The following SPON1 variants were observed in gnomAD, a reference collection of about 807,000 sequenced individuals.
SPON1 encodes spondin 1, also known as spondin-1.
A neutral mutation model predicts 111.7 loss-of-function variants in SPON1; 52 were observed. That is an observed-to-expected ratio of 0.47 (90% CI 0.37 to 0.59). The LOEUF is 0.59. Among genes scored for constraint, SPON1 ranks in the 20% least tolerant of loss-of-function variants. The pLI, the probability that SPON1 is intolerant of heterozygous loss-of-function variation, is 0.00. For missense variants in SPON1, 957 were observed against 1,068.5 expected (o/e 0.90, Z 1.46); for synonymous variants, 410 against 395.8 (o/e 1.04, Z -0.43).
chr11:14,222,357 T>A (rs1328105433), intron 6 of SPON1, among the ~76,000 whole-genome samples: 2 of 152,214 alleles, frequency 1.3e-5, no homozygotes, highest in Admixed American at 6.5e-5. Context: ...CTTTAACATC[T>A]TCTTGAGCTG....
intron 3 of SPON1, among the ~76,000 whole-genome samples, chr11:14,042,123 C>A (rs1056601744): frequency 3.3e-5 from 5 of 152,100 alleles, no homozygotes; most frequent in South Asian, 2.1e-4. Context: ...CCTCTGGTGC[C>A]ACTTCCTATC....
chr11:14,264,360 G>T (rs1849236722), intron 15 of SPON1, among the ~76,000 whole-genome samples: 2 of 152,214 alleles, frequency 1.3e-5, no homozygotes, highest in Admixed American at 1.3e-4. Context: ...TAACCCAAGA[G>T]AAAGATTATA....
chr11:14,227,123 G>C (rs1053917019), intron 6 of SPON1, among the ~76,000 whole-genome samples: 1 of 152,042 alleles, frequency 6.6e-6, no homozygotes, highest in Admixed American at 6.6e-5. Context: ...ATATTTTGGG[G>C]GGCCGTTACT....
At chr11:14,038,427 C>T (rs965874656) in intron 2 of SPON1, among the ~76,000 whole-genome samples, 3 of 152,024 alleles carry the variant, frequency 2.0e-5, no homozygotes, top group Admixed American at 2.0e-4. Flanking sequence ...TGAGATGGCA[C>T]CACTGCACTC....
intron 6 of SPON1, among the ~76,000 whole-genome samples, chr11:14,138,662 G>T (rs1847619382): frequency 6.6e-6 from 1 of 152,104 alleles, no homozygotes; most frequent in Non-Finnish European, 1.5e-5. Context: ...CACACTTGTA[G>T]GTTGGTGTGG....
chr11:14,240,631 G>A lies in SPON1; in HGVS notation c.826-2701G>A, dbSNP rs868987320. ...TGTGTGTGTGTGTGTGTGTGTGTGT[G>A]TGTGTAGTTATATATTACAAAAGCA... is the stretch of plus-strand genomic sequence containing the variant. On this transcript the variant is annotated intron_variant, in intron 6 of 15. Transcript: ENST00000576479. 7.2e-3 allele frequency among the ~76,000 whole-genome samples: 1,022 copies of A among 141,538 alleles called. 11 individuals are homozygous for A. The highest frequency in any genetic ancestry group is 0.023 in the African/African-American group (915 of 39,930). The allele number at this position is 141,538 out of a possible 152,430, so 92.9% of individuals were successfully genotyped here. A position where few individuals can be genotyped will look rare whatever the true frequency, so the allele number is the denominator to read the frequency against.
Position 14,265,605 on chromosome 11 carries a change from T to TA in SPON1, c.2345dup (p.Lys783GlufsTer54). ...GGAATTCAGGAACGTTACATGACTG[T>TA]AAAGAAGAGATTCAAAAGCTCCCAG... is the stretch of plus-strand genomic sequence containing the variant. On this transcript the variant is annotated frameshift_variant, in exon 16 of 16. Coordinates refer to ENST00000576479, the MANE Select transcript of SPON1 (RefSeq NM_006108.4). LOFTEE classifies it high-confidence loss of function. The TA allele has an allele frequency of 6.2e-7, 1 of 1,613,668 alleles. No individual in the cohort carries two copies. The highest frequency in any genetic ancestry group is 8.5e-7 in the Non-Finnish European group (1 of 1,179,808).
chr11:13,964,540 A>G (rs1489839421), intron 1 of SPON1, among the ~76,000 whole-genome samples: 4 of 152,098 alleles, frequency 2.6e-5, no homozygotes, highest in African/African-American at 9.7e-5. Context: ...CTCCACCCGG[A>G]GCTACCCAAA....
chr11:14,189,250 A>G (rs183571191), intron 6 of SPON1, among the ~76,000 whole-genome samples: 1 of 152,358 alleles, frequency 6.6e-6, no homozygotes. Flanking sequence ...AAATCAGTAT[A>G]AAATACACAG....
At position 14,023,593 on chromosome 11, in the gene SPON1, TG is replaced by T. The variant is rs1274648635; in HGVS notation, c.346-17925del. 3.9e-5 allele frequency among the ~76,000 whole-genome samples: 6 copies of T among 152,134 alleles called. No individual in the cohort carries two copies. The East Asian group carries it at 1.2e-3, about 29-fold the overall frequency. On this transcript the variant is annotated intron_variant, in intron 2 of 15. Coordinates refer to ENST00000576479, the MANE Select transcript of SPON1 (RefSeq NM_006108.4). Reference sequence around the variant, plus strand: ...CAGCTATGGATTTGTTCTTTGGAGGTGGGCTGACTGGGAGATGGAGGTCAGC... The same window carrying T: ...CAGCTATGGATTTGTTCTTTGGAGGTGGCTGACTGGGAGATGGAGGTCAGC...
chr11:14,085,055 G>C (rs760377096), intron 5 of SPON1, among the ~76,000 whole-genome samples: 3 of 152,054 alleles, frequency 2.0e-5, no homozygotes, highest in Non-Finnish European at 4.4e-5. Flanking sequence ...CCCTTTGTCA[G>C]ATGGATAGAT....
intron 6 of SPON1, among the ~76,000 whole-genome samples, chr11:14,232,675 C>T (rs1591420564): frequency 6.6e-6 from 1 of 152,220 alleles, no homozygotes; most frequent in Non-Finnish European, 1.5e-5. Context: ...GGATTATACA[C>T]TTGGACATAC....
At chr11:14,139,427 T>C (rs1187500967) in intron 6 of SPON1, among the ~76,000 whole-genome samples, 1 of 152,230 alleles carries the variant, frequency 6.6e-6, no homozygotes, top group African/African-American at 2.4e-5. Context: ...CATATTTCTT[T>C]GATGTCTCTC....
At chr11:14,229,958 G>A (rs1343362036) in intron 6 of SPON1, among the ~76,000 whole-genome samples, 9 of 108,912 alleles carry the variant, frequency 8.3e-5, no homozygotes, top group African/African-American at 2.0e-4. Flanking sequence ...GTCCGTGTGT[G>A]TGTGTGTGTG....
At chr11:13,970,596 TTCC>T (rs1554908493) in intron 1 of SPON1, among the ~76,000 whole-genome samples, 1 of 152,132 alleles carries the variant, frequency 6.6e-6, no homozygotes, top group East Asian at 1.9e-4. Context: ...TCTCCTCCTC[TTCC>T]TCCTCCTCCT....
At chr11:14,243,848 C>A (rs899876726) in intron 7 of SPON1, among the ~76,000 whole-genome samples, 30 of 152,316 alleles carry the variant, frequency 2.0e-4, no homozygotes, top group African/African-American at 7.2e-4. Flanking sequence ...GCCCTTGAGT[C>A]AGGTGACCAA....
Position 13,962,963 on chromosome 11 carries a change from C to T in SPON1, c.59C>T (p.Ala20Val). 1 of 1,590,886 alleles carries T rather than the reference C, an allele frequency of 6.3e-7. No individual in the cohort carries two copies. The highest frequency in any genetic ancestry group is 1.4e-5 in the African/African-American group (1 of 73,952). ...CGGACTCCGGCACTGCTGGCCCTGGCGCTGCCCCTGGCCGCGGCGCTGGCC... is the reference window on the plus strand; with the variant it reads ...CGGACTCCGGCACTGCTGGCCCTGGTGCTGCCCCTGGCCGCGGCGCTGGCC... ...LSRTPALLAL[A>V]LPLAAALAFS... The change falls in exon 1 of 16, where the codon GCG becomes GTG. Residue 20 changes from alanine (A) to valine (V), a missense_variant. Around this residue, in one of 5 missense-constraint regions of SPON1, gnomAD observed 262 missense variants for 253.9 expected, o/e 1.03. Transcript: ENST00000576479.
At chr11:14,149,763 T>G (rs551033652) in intron 6 of SPON1, among the ~76,000 whole-genome samples, 1 of 152,358 alleles carries the variant, frequency 6.6e-6, no homozygotes, top group Admixed American at 6.5e-5. Context: ...TGTACAGGTT[T>G]ATAGCCTAAA....
chr11:14,203,358 GT>G (rs1386068920), intron 6 of SPON1, among the ~76,000 whole-genome samples: 15 of 152,180 alleles, frequency 9.9e-5, no homozygotes, highest in Admixed American at 9.2e-4. Context: ...CACTTACTGG[GT>G]CTTGTCGTTA....
Sources: gnomAD v4.1 joint callset for allele counts (sites outside exome capture counted in the v4.1 genomes callset) on GRCh38, gnomAD v4.1.1 for gene constraint, gnomAD v4.1.1 regional missense constraint, MANE v1.5 for transcripts, NCBI Gene and HGNC (gene_info 2026-07-23, HGNC 2026-07-21) for gene names.